PRKAG3: variants seen among roughly 807,000 people sequenced by gnomAD.
PRKAG3 encodes the protein 5'-AMP-activated protein kinase subunit gamma-3.
PRKAG3 carries 39 observed loss-of-function variants against 56.5 expected under a neutral mutation model. The observed-to-expected ratio is 0.69, with a 90% CI of 0.53 to 0.90. PRKAG3 has a LOEUF of 0.90. Among genes scored for constraint, PRKAG3 ranks in the 40% least tolerant of loss-of-function variants. PRKAG3 has a pLI of 0.00. For missense variants in PRKAG3, 628 were observed against 627.5 expected, an observed-to-expected ratio of 1.00 and a Z score of -0.01; for synonymous variants, 243 against 250.1, an observed-to-expected ratio of 0.97 and a Z score of 0.27.
In PRKAG3 at chr2:218,827,129, C is replaced by A; in HGVS notation, c.1003-36G>T. ...TGGGGACCAGGTGGAGATCAGGGAT[C>A]CAGCAGCTTCAAGAGGGCTCCCAGC... On this transcript the variant is annotated intron_variant, in intron 9 of 12. Coordinates refer to ENST00000529249, the Ensembl canonical transcript of PRKAG3. The surrounding 1 kb of genome is among the most constrained non-coding windows in gnomAD (Gnocchi z 5.3). The A allele has an allele frequency of 6.2e-7, 1 of 1,612,738 alleles. No individual in the cohort carries two copies. Among genetic ancestry groups the A allele is most frequent in the Non-Finnish European group, 8.5e-7 (1 of 1,179,938 alleles).
intron 3 of PRKAG3, 151 bp from the exon 4 acceptor site, chr2:218,830,532 G>A (rs2105989704): frequency 8.3e-7 from 1 of 1,201,840 alleles, no homozygotes; most frequent in Non-Finnish European, 1.2e-6. Context: ...GTCGCCCCAG[G>A]TAGTGGCTCT....
chr2:218,830,197 C>A, exon 4 of PRKAG3: 2 of 1,614,144 alleles, frequency 1.2e-6, no homozygotes, highest in Middle Eastern at 3.3e-4. Context: ...TGGCTGGGAA[C>A]TCCGTGGCCA....
In PRKAG3 at chr2:218,827,230, C is replaced by T; in HGVS notation, c.1002+17G>A. 1 of 1,614,196 alleles carries T rather than the reference C, an allele frequency of 6.2e-7. No individual in the cohort carries two copies. Among genetic ancestry groups the T allele is most frequent in the East Asian group, 2.2e-5 (1 of 44,884 alleles). On this transcript the variant is annotated intron_variant, in intron 9 of 12. Coordinates refer to ENST00000529249, the Ensembl canonical transcript of PRKAG3. The surrounding 1 kb of genome is among the most constrained non-coding windows in gnomAD (Gnocchi z 5.3). Reference sequence around the variant, plus strand: ...TGCCCAGGTCTCCCCCTTCCTCCCACCTGGGCCCAGGCTTACAAAGATGTG... The same window carrying T: ...TGCCCAGGTCTCCCCCTTCCTCCCATCTGGGCCCAGGCTTACAAAGATGTG...
At chr2:218,831,688 A>G in intron 1 of PRKAG3, 50 bp downstream of exon 1, 1 of 1,596,130 alleles carries the variant, frequency 6.3e-7, no homozygotes, top group Non-Finnish European at 8.5e-7. Flanking sequence ...CGTGCGCTCA[A>G]TCTTCTGGCC....
chr2:218,831,264 G>A, intron 2 of PRKAG3, 72 bp downstream of exon 2: 2 of 1,188,322 alleles, frequency 1.7e-6, no homozygotes, highest in Non-Finnish European at 1.2e-6. Flanking sequence ...GAGGGAATTG[G>A]GGTCCCAGAA....
rs145686425 is a variant in PRKAG3 at position 218,831,757 on chromosome 2, A to T, written c.14T>A (p.Leu5Gln). ...CCATACCCTGCGCAGTGCGTGCTCC[A>T]GCCCGGGCTCCATGTGGCCAGCCCC... Residue 5 changes from leucine to glutamine, a missense_variant, in exon 1 of 13, where the codon CTG becomes CAG. Transcript: ENST00000529249. 7.9e-5 allele frequency: 127 copies of T among 1,610,552 alleles called. No homozygotes were observed. Among genetic ancestry groups the T allele is most frequent in the Middle Eastern group, 1.6e-4 (1 of 6,080 alleles).
At chr2:218,831,678 C>A in intron 1 of PRKAG3, 60 bp downstream of exon 1, 1 of 1,581,408 alleles carries the variant, frequency 6.3e-7, no homozygotes, top group Non-Finnish European at 8.6e-7. Context: ...ATTCACAGCC[C>A]GTGCGCTCAA....
intron 2 of PRKAG3, 65 bp from the exon 3 acceptor site, chr2:218,830,966 A>G: frequency 6.4e-7 from 1 of 1,552,528 alleles, no homozygotes; most frequent in Non-Finnish European, 8.9e-7. Flanking sequence ...TTCAAATGTT[A>G]TTCATAATCT....
rs761972394 is a variant in PRKAG3 at position 218,824,625 on chromosome 2, C to T, written c.1169-49G>A. The T allele has an allele frequency of 2.0e-6, 3 of 1,538,416 alleles. No individual in the cohort carries two copies. In the South Asian group the frequency reaches 3.4e-5, roughly 17 times the overall value. ...TGGGGGGAGAAAGACAGGGAAGAGG[C>T]TCCGGTCAGAACCGGGGTGCTGTGT... On this transcript the variant is annotated intron_variant, in intron 10 of 12. Transcript: ENST00000529249.
At chr2:218,830,527 C>G in intron 3 of PRKAG3, 146 bp from the exon 4 acceptor site, 4 of 1,220,184 alleles carry the variant, frequency 3.3e-6, no homozygotes, top group South Asian at 1.5e-5. Context: ...TGAGAGTCGC[C>G]CCAGGTAGTG....
intron 10 of PRKAG3, among the ~76,000 whole-genome samples, chr2:218,825,898 A>C (rs927693991): frequency 6.6e-6 from 1 of 151,572 alleles, no homozygotes; most frequent in African/African-American, 2.4e-5. Flanking sequence ...CTGGGACTAG[A>C]GGTGTGCGCC....
intron 4 of PRKAG3, among the ~76,000 whole-genome samples, chr2:218,829,099 A>G (rs1183455321): frequency 6.6e-6 from 1 of 152,238 alleles, no homozygotes; most frequent in Non-Finnish European, 1.5e-5. Flanking sequence ...ACAAATATAA[A>G]GCTACTGAAA....
At chr2:218,825,028 A>G (rs1181758359) in intron 10 of PRKAG3, among the ~76,000 whole-genome samples, 1 of 152,208 alleles carries the variant, frequency 6.6e-6, no homozygotes, top group Non-Finnish European at 1.5e-5. Context: ...AAAAGACACG[A>G]ATGTAAACCA....
intron 2 of PRKAG3, 102 bp from the exon 3 acceptor site, chr2:218,831,003 T>C (rs920135401): frequency 1.6e-5 from 22 of 1,341,038 alleles, no homozygotes; most frequent in Non-Finnish European, 2.3e-5. Flanking sequence ...TCCAATGGGC[T>C]TTTCTCCAAC....
At chr2:218,825,266 G>A (rs781017325) in intron 10 of PRKAG3, among the ~76,000 whole-genome samples, 2 of 151,364 alleles carry the variant, frequency 1.3e-5, no homozygotes, top group Non-Finnish European at 1.5e-5. Context: ...AATCTGGGAG[G>A]TGGAGGTTGC....
chr2:218,828,628 G>T (rs1159062671), intron 4 of PRKAG3, 28 bp from the exon 5 acceptor site: 3 of 1,599,742 alleles, frequency 1.9e-6, no homozygotes, highest in Admixed American at 3.4e-5. Flanking sequence ...ACAGTCAAGG[G>T]TGGGTCCCGA....
At chr2:218,826,941 C>A (rs1430374942) in exon 10 of PRKAG3, 3 of 1,614,140 alleles carry the variant, frequency 1.9e-6, no homozygotes, top group Non-Finnish European at 2.5e-6. Flanking sequence ...ATTCGTTGAC[C>A]ACAGGCAGTG....
intron 10 of PRKAG3, among the ~76,000 whole-genome samples, chr2:218,826,452 A>G: frequency 6.6e-6 from 1 of 152,122 alleles, no homozygotes; most frequent in Admixed American, 6.5e-5. Flanking sequence ...TTTAAATTTT[A>G]TTATTTCGTT....
chr2:218,825,385 G>A (rs747615143), intron 10 of PRKAG3, among the ~76,000 whole-genome samples: 16 of 151,426 alleles, frequency 1.1e-4, no homozygotes, highest in Non-Finnish European at 1.9e-4. Context: ...GCTCATGCCT[G>A]TAATCCCAAC....
Sources: gnomAD v4.1 joint callset for allele counts (sites outside exome capture counted in the v4.1 genomes callset) on GRCh38, gnomAD v4.1.1 for gene constraint, Gnocchi (gnomAD v3.1) non-coding constraint, MANE v1.5 for transcripts, NCBI Gene and HGNC (gene_info 2026-07-23, HGNC 2026-07-21) for gene names.